Variants in SLC4A4 observed in about 807,000 individuals in gnomAD.
SLC4A4 encodes the protein solute carrier family 4 member 4.
In SLC4A4, 27 loss-of-function variants were observed where a neutral mutation model predicts 111.5. The ratio of observed to expected loss-of-function variants is 0.24; its 90% CI spans 0.18 to 0.33. SLC4A4 has a LOEUF of 0.33. SLC4A4 is among the 10% of genes least tolerant of loss of function. The probability of loss-of-function intolerance (pLI) is 1.00; values close to 1 mark genes in which losing one functional copy is unlikely to be tolerated. For synonymous variants in SLC4A4, 443 were observed against 463.4 expected, an observed-to-expected ratio of 0.96 and a Z score of 0.57; for missense variants, 909 against 1,315.5, an observed-to-expected ratio of 0.69 and a Z score of 4.78.
intron 6 of SLC4A4, among the ~76,000 whole-genome samples, chr4:71,370,293 C>G (rs928427886): frequency 1.3e-5 from 2 of 152,078 alleles, no homozygotes; most frequent in Non-Finnish European, 2.9e-5. Context: ...ATGGGTGATG[C>G]CTTACTGAAG....
intron 1 of SLC4A4, among the ~76,000 whole-genome samples, chr4:71,089,819 T>C (rs1032947367): frequency 2.6e-5 from 4 of 151,768 alleles, no homozygotes; most frequent in African/African-American, 9.7e-5. Flanking sequence ...TGGGGGGTGC[T>C]CCCAATTAGG....
At chr4:71,229,151 A>C (rs911818342) in intron 1 of SLC4A4, among the ~76,000 whole-genome samples, 1 of 152,198 alleles carries the variant, frequency 6.6e-6, no homozygotes. Context: ...AAATTGTATA[A>C]TGTAGTTTGT....
chr4:71,331,901 T>A (rs186598794), intron 3 of SLC4A4, among the ~76,000 whole-genome samples: 2 of 152,212 alleles, frequency 1.3e-5, no homozygotes, highest in Admixed American at 6.5e-5. Flanking sequence ...CTTGGTTCAA[T>A]CTTGGTAAGT....
At chr4:71,421,976 T>G (rs1251558879) in intron 7 of SLC4A4, among the ~76,000 whole-genome samples, 1 of 151,710 alleles carries the variant, frequency 6.6e-6, no homozygotes, top group Non-Finnish European at 1.5e-5. Flanking sequence ...AGGCAAGAAA[T>G]AACTAAGATC....
intron 8 of SLC4A4, among the ~76,000 whole-genome samples, chr4:71,444,522 G>A (rs1725050785): frequency 6.6e-6 from 1 of 152,080 alleles, no homozygotes; most frequent in Non-Finnish European, 1.5e-5. Flanking sequence ...CAAATGTGAT[G>A]TTTACTCTAA....
intron 1 of SLC4A4, among the ~76,000 whole-genome samples, chr4:71,088,264 T>C (rs1210325894): frequency 6.6e-6 from 1 of 152,054 alleles, no homozygotes; most frequent in East Asian, 1.9e-4. Context: ...TTGGTAGATC[T>C]TCCTCCATCC....
At chr4:71,119,457 C>A (rs777898513) in intron 2 of SLC4A4, among the ~76,000 whole-genome samples, 1 of 152,010 alleles carries the variant, frequency 6.6e-6, no homozygotes, top group African/African-American at 2.4e-5. Context: ...TCATGGCTCA[C>A]GGCAGCCTCA....
intron 12 of SLC4A4, among the ~76,000 whole-genome samples, chr4:71,464,399 TG>T (rs2149096114): frequency 6.6e-6 from 1 of 152,292 alleles, no homozygotes; most frequent in East Asian, 1.9e-4. Context: ...AAATACATCT[TG>T]GTTCTGCTGC....
At chr4:71,377,995 C>A (rs944591267) in intron 6 of SLC4A4, among the ~76,000 whole-genome samples, 3 of 151,974 alleles carry the variant, frequency 2.0e-5, no homozygotes, top group Non-Finnish European at 2.9e-5. Flanking sequence ...TAAGCAAAAG[C>A]AGAAACCCCT....
intron 2 of SLC4A4, among the ~76,000 whole-genome samples, chr4:71,250,994 G>A (rs1467759280): frequency 2.0e-5 from 3 of 152,272 alleles, no homozygotes; most frequent in Non-Finnish European, 2.9e-5. Flanking sequence ...GCAGTGCTTG[G>A]CATGCTTGTA....
intron 1 of SLC4A4, among the ~76,000 whole-genome samples, chr4:71,203,107 T>G: frequency 6.6e-6 from 1 of 152,130 alleles, no homozygotes; most frequent in Non-Finnish European, 1.5e-5. Flanking sequence ...GGTAGACTAC[T>G]AGATGTGTAA....
At chr4:71,441,089 TTAAG>T (rs1341844319) in intron 8 of SLC4A4, among the ~76,000 whole-genome samples, 1 of 152,164 alleles carries the variant, frequency 6.6e-6, no homozygotes, top group African/African-American at 2.4e-5. Context: ...GTCTAAGAGT[TTAAG>T]TAATTTGTCC....
intron 2 of SLC4A4, among the ~76,000 whole-genome samples, chr4:71,246,652 T>A (rs1488134385): frequency 6.6e-6 from 1 of 152,204 alleles, no homozygotes; most frequent in African/African-American, 2.4e-5. Flanking sequence ...ATTCTGTATC[T>A]CTAAGACAAA....
chr4:71,286,378 A>C (rs1471242992), intron 3 of SLC4A4, among the ~76,000 whole-genome samples: 1 of 152,258 alleles, frequency 6.6e-6, no homozygotes, highest in East Asian at 1.9e-4. Flanking sequence ...GCTTAAAAGC[A>C]CTGGATGTAA....
chr4:71,123,722 T>C (rs1743491834), intron 2 of SLC4A4, among the ~76,000 whole-genome samples: 2 of 152,238 alleles, frequency 1.3e-5, no homozygotes, highest in South Asian at 4.1e-4. Context: ...ACTGCTCTGG[T>C]CTGTGAACAA....
At chr4:71,417,744 T>C (rs1371426194) in intron 7 of SLC4A4, among the ~76,000 whole-genome samples, 2 of 152,212 alleles carry the variant, frequency 1.3e-5, no homozygotes, top group East Asian at 1.9e-4. Flanking sequence ...AAAACCATTG[T>C]AGATACTTAA....
chr4:71,340,416 A>G (rs1728809598), intron 4 of SLC4A4, among the ~76,000 whole-genome samples: 1 of 152,098 alleles, frequency 6.6e-6, no homozygotes, highest in South Asian at 2.1e-4. Context: ...TATTTATTCT[A>G]TTTTATTATT....
intron 20 of SLC4A4, among the ~76,000 whole-genome samples, chr4:71,551,404 T>C (rs1441963682): frequency 6.6e-6 from 1 of 151,880 alleles, no homozygotes; most frequent in Non-Finnish European, 1.5e-5. Context: ...GTAGAGATGA[T>C]GGTAATGGTG....
intron 1 of SLC4A4, among the ~76,000 whole-genome samples, chr4:71,088,244 T>C (rs1424060087): frequency 1.3e-5 from 2 of 151,954 alleles, no homozygotes; most frequent in Non-Finnish European, 2.9e-5. Flanking sequence ...CTTTTTTTTT[T>C]TCCATTTGCT....
Sources: gnomAD v4.1 joint callset for allele counts (sites outside exome capture counted in the v4.1 genomes callset) on GRCh38, gnomAD v4.1.1 for gene constraint, MANE v1.5 for transcripts, NCBI Gene and HGNC (gene_info 2026-07-23, HGNC 2026-07-21) for gene names.